Variants in KCNIP4 observed in about 807,000 individuals in gnomAD.
The protein encoded by KCNIP4 is potassium voltage-gated channel interacting protein 4, also known as Kv channel-interacting protein 4.
KCNIP4 carries 12 observed loss-of-function variants against 34.0 expected under a neutral mutation model. The observed-to-expected ratio is 0.35, with a 90% CI of 0.23 to 0.57. The LOEUF (loss-of-function observed/expected upper bound fraction) is 0.57. KCNIP4 is among the 20% of genes least tolerant of loss of function. The pLI is 0.83. For synonymous variants in KCNIP4, 124 were observed against 102.2 expected (o/e 1.21, Z -1.29); for missense variants, 238 against 311.7 (o/e 0.76, Z 1.78).
At chr4:21,762,912 A>G (rs1577956078) in intron 1 of KCNIP4, 1 of 1,287,342 alleles carries the variant, frequency 7.8e-7, no homozygotes, top group Non-Finnish European at 1.0e-6. Flanking sequence ...ATTGGAGGGA[A>G]GGACTCACAT....
At chr4:21,070,663 A>AAT (rs1744812298) in intron 1 of KCNIP4, among the ~76,000 whole-genome samples, 1 of 49,572 alleles carries the variant, frequency 2.0e-5, no homozygotes, top group African/African-American at 8.5e-5. Context: ...GAGTTTTGAG[A>AAT]TTTTTTTTTT....
At chr4:20,909,271 T>C (rs1728099710) in intron 1 of KCNIP4, among the ~76,000 whole-genome samples, 1 of 152,196 alleles carries the variant, frequency 6.6e-6, no homozygotes. Flanking sequence ...TCTTCACTGT[T>C]TTCCATAGAG....
chr4:21,780,073 G>A (rs1206525547), intron 1 of KCNIP4, among the ~76,000 whole-genome samples: 1 of 152,244 alleles, frequency 6.6e-6, no homozygotes, highest in East Asian at 1.9e-4. Context: ...GCCTCCAGAT[G>A]AAGATAGTGG....
chr4:20,918,397 A>G (rs1396496020), intron 1 of KCNIP4, among the ~76,000 whole-genome samples: 3 of 152,184 alleles, frequency 2.0e-5, no homozygotes, highest in Non-Finnish European at 4.4e-5. Context: ...AGTCATGGGT[A>G]CTAGATACAG....
rs114744759 is a variant in KCNIP4 at position 21,814,941 on chromosome 4, G to C, written c.61+133630C>G. Among the ~76,000 whole-genome samples the C allele has an allele frequency of 7.9e-3, 1,197 of 152,164 alleles. 16 individuals are homozygous for C. Among genetic ancestry groups the C allele is most frequent in the African/African-American group, 0.027 (1,132 of 41,498 alleles). On this transcript the variant is annotated intron_variant, in intron 1 of 8. Transcript: ENST00000382152. ...AGCCTGAGCTCTAACAATCTTACCGGGGCAACTTTGGCAACATCACATCCT... is the reference window on the plus strand; with the variant it reads ...AGCCTGAGCTCTAACAATCTTACCGCGGCAACTTTGGCAACATCACATCCT...
intron 1 of KCNIP4, among the ~76,000 whole-genome samples, chr4:21,192,291 A>G (rs1305743242): frequency 2.6e-5 from 4 of 152,188 alleles, no homozygotes; most frequent in Non-Finnish European, 5.9e-5. Flanking sequence ...CTCTTGAGGA[A>G]AACACTCCAT....
intron 2 of KCNIP4, among the ~76,000 whole-genome samples, chr4:20,867,251 A>G (rs1051222398): frequency 1.3e-5 from 2 of 152,088 alleles, no homozygotes; most frequent in African/African-American, 4.8e-5. Context: ...AGCCCAAGAC[A>G]TCACACTACC....
chr4:21,808,871 C>A (rs1240504191), intron 1 of KCNIP4, among the ~76,000 whole-genome samples: 1 of 152,184 alleles, frequency 6.6e-6, no homozygotes, highest in Non-Finnish European at 1.5e-5. Context: ...TCTACTAGAG[C>A]TCTCAAGGAG....
At chr4:21,855,555 T>C (rs999381922) in intron 1 of KCNIP4, 16 of 152,196 alleles carry the variant, frequency 1.1e-4, no homozygotes, top group Non-Finnish European at 1.8e-4. Context: ...TTGTTAAAAA[T>C]ATGCACATTC....
intron 1 of KCNIP4, among the ~76,000 whole-genome samples, chr4:21,935,492 C>T (rs140176314): frequency 1.1e-3 from 174 of 152,154 alleles, no homozygotes; most frequent in African/African-American, 4.0e-3. Context: ...TCATGCCTCC[C>T]CACTAAATGC....
At position 21,683,454 on chromosome 4, in the gene KCNIP4, T is replaced by A. The variant is rs1291419313; in HGVS notation, c.61+265117A>T. 9.0e-3 allele frequency among the ~76,000 whole-genome samples: 112 copies of A among 12,478 alleles called. 1 individual carries two copies. Among genetic ancestry groups the A allele is most frequent in the African/African-American group, 0.037 (102 of 2,782 alleles). 8.2% of individuals were successfully genotyped at this position (12,478 alleles called of 152,430 possible). A position where few individuals can be genotyped will look rare whatever the true frequency, so the allele number is the denominator to read the frequency against. On this transcript the variant is annotated intron_variant, in intron 1 of 8. Coordinates refer to ENST00000382152, the MANE Select transcript of KCNIP4 (RefSeq NM_025221.6). ...ATGATTGGTGAAGCCAGATTTTTTT[T>A]TTTTTTTTTTTTTTTTTTTTTTTTT...
At chr4:21,032,347 G>A (rs1741099093) in intron 1 of KCNIP4, among the ~76,000 whole-genome samples, 1 of 152,078 alleles carries the variant, frequency 6.6e-6, no homozygotes, top group Non-Finnish European at 1.5e-5. Flanking sequence ...TATAAATATT[G>A]CATTTGGAAT....
chr4:21,219,106 T>C (rs1246703990), intron 1 of KCNIP4, among the ~76,000 whole-genome samples: 1 of 152,200 alleles, frequency 6.6e-6, no homozygotes, highest in Non-Finnish European at 1.5e-5. Context: ...AAGGTTGCTT[T>C]TGTGAACAAA....
At chr4:21,514,546 CTAAA>C (rs1734600232) in intron 1 of KCNIP4, among the ~76,000 whole-genome samples, 1 of 152,036 alleles carries the variant, frequency 6.6e-6, no homozygotes, top group Non-Finnish European at 1.5e-5. Context: ...AAAATAGTAA[CTAAA>C]TAATTATGGC....
chr4:21,528,623 C>G (rs569777189), intron 1 of KCNIP4, among the ~76,000 whole-genome samples: 1 of 148,934 alleles, frequency 6.7e-6, no homozygotes, highest in Non-Finnish European at 1.5e-5. Context: ...GCCAAGAACG[C>G]GTCACTGAAC....
At chr4:21,823,999 G>T (rs1337499942) in intron 1 of KCNIP4, among the ~76,000 whole-genome samples, 3 of 152,164 alleles carry the variant, frequency 2.0e-5, no homozygotes, top group African/African-American at 7.2e-5. Context: ...ACAGAACAGA[G>T]AGTGGATAAG....
rs1338313186 is a variant in KCNIP4 at position 21,283,108 on chromosome 4, ATT to A, written c.62-400401_62-400400del. Among the ~76,000 whole-genome samples, 12 of 152,354 alleles carry A rather than the reference ATT, an allele frequency of 7.9e-5. No individual in the cohort carries two copies. The East Asian group carries it at 1.7e-3, about 22-fold the overall frequency. On this transcript the variant is annotated intron_variant, in intron 1 of 8. Transcript: ENST00000382152. Reference sequence around the variant, plus strand: ...AAAAGGCCCCATTTTCTATGAATATATTTGTACGAAGTATCCAGAAAAGGAAA... The same window carrying A: ...AAAAGGCCCCATTTTCTATGAATATATGTACGAAGTATCCAGAAAAGGAAA...
At chr4:21,856,218 T>C (rs1724743901) in intron 1 of KCNIP4, among the ~76,000 whole-genome samples, 1 of 152,194 alleles carries the variant, frequency 6.6e-6, no homozygotes, top group South Asian at 2.1e-4. Context: ...CTGGAGACCG[T>C]GTGGACTCTA....
chr4:21,535,568 A>G (rs1222405753), intron 1 of KCNIP4, among the ~76,000 whole-genome samples: 1 of 152,184 alleles, frequency 6.6e-6, no homozygotes, highest in Non-Finnish European at 1.5e-5. Context: ...CAAATGAAGC[A>G]TAGTTACCCT....
Sources: gnomAD v4.1 joint callset for allele counts (sites outside exome capture counted in the v4.1 genomes callset) on GRCh38, gnomAD v4.1.1 for gene constraint, MANE v1.5 for transcripts, NCBI Gene and HGNC (gene_info 2026-07-23, HGNC 2026-07-21) for gene names.